Variants in HEMK2 observed in about 807,000 individuals in gnomAD.
The protein encoded by HEMK2 is methyltransferase HEMK2.
chr21:28,637,043 T>C, the HEMK2 span, among the ~76,000 whole-genome samples: 1 of 152,214 alleles, frequency 6.6e-6, no homozygotes. Flanking sequence ...GTAGTTCAGT[T>C]TGATTTGCTG....
the HEMK2 span, among the ~76,000 whole-genome samples, chr21:28,625,540 T>C: frequency 2.6e-5 from 4 of 152,122 alleles, no homozygotes; most frequent in African/African-American, 9.6e-5. Context: ...ACCAACATGG[T>C]GAAACCCCGT....
chr21:28,685,122 T>C, the HEMK2 span, among the ~76,000 whole-genome samples: 4 of 152,062 alleles, frequency 2.6e-5, no homozygotes, highest in African/African-American at 9.7e-5. Context: ...AGGGAATCGG[T>C]TCATGTGAAG....
At chr21:28,715,841 T>C in the HEMK2 span, among the ~76,000 whole-genome samples, 1 of 152,236 alleles carries the variant, frequency 6.6e-6, no homozygotes. Flanking sequence ...AGTGGTCCAG[T>C]TTCATTCTTC....
chr21:28,805,622 G>A, the HEMK2 span, among the ~76,000 whole-genome samples: 1 of 152,130 alleles, frequency 6.6e-6, no homozygotes, highest in African/African-American at 2.4e-5. Flanking sequence ...TCTTTCAACT[G>A]GGTAGATGCT....
At chr21:28,865,070 C>T in the HEMK2 span, among the ~76,000 whole-genome samples, 4 of 152,178 alleles carry the variant, frequency 2.6e-5, no homozygotes, top group African/African-American at 9.7e-5. Context: ...CTTCATTTAA[C>T]CACAGCAGTC....
the HEMK2 span, among the ~76,000 whole-genome samples, chr21:28,712,938 T>C: frequency 1.3e-5 from 2 of 152,210 alleles, no homozygotes; most frequent in African/African-American, 2.4e-5. Context: ...CATAGATACA[T>C]ACATACGAAT....
the HEMK2 span, among the ~76,000 whole-genome samples, chr21:28,691,959 CATACAGAAATGCAGGAAGCT>C: frequency 6.6e-6 from 1 of 152,196 alleles, no homozygotes; most frequent in African/African-American, 2.4e-5. Context: ...CAAAGTTTAT[CATACAGAAATGCAGGAAGCT>C]ACTAAATCTT....
the HEMK2 span, among the ~76,000 whole-genome samples, chr21:28,598,696 G>A: frequency 6.6e-5 from 10 of 152,236 alleles, no homozygotes; most frequent in Middle Eastern, 3.4e-3. Context: ...GAGCCTGAGG[G>A]TGATCCTAGG....
At chr21:28,605,512 T>G in the HEMK2 span, among the ~76,000 whole-genome samples, 28 of 152,338 alleles carry the variant, frequency 1.8e-4, no homozygotes, top group South Asian at 8.3e-4. Context: ...CATGGCAAGT[T>G]GTGACTTTTT....
At chr21:28,754,140 AGGCCCAAG>A in the HEMK2 span, among the ~76,000 whole-genome samples, 8 of 152,260 alleles carry the variant, frequency 5.3e-5, no homozygotes, top group Non-Finnish European at 8.8e-5. Context: ...AATGCCAGAG[AGGCCCAAG>A]GGCCCCCTCG....
chr21:28,794,030 G>A, the HEMK2 span, among the ~76,000 whole-genome samples: 1 of 152,156 alleles, frequency 6.6e-6, no homozygotes, highest in Non-Finnish European at 1.5e-5. Flanking sequence ...CCACTGTGTG[G>A]TAATTTGTTA....
the HEMK2 span, among the ~76,000 whole-genome samples, chr21:28,862,490 T>C: frequency 5.6e-5 from 8 of 142,924 alleles, 2 homozygotes; most frequent in African/African-American, 2.3e-4. Context: ...ATACAAAAAA[T>C]TAGCCTGGCG....
the HEMK2 span, among the ~76,000 whole-genome samples, chr21:28,593,472 G>C: frequency 2.0e-5 from 3 of 152,148 alleles, no homozygotes; most frequent in Non-Finnish European, 2.9e-5. Flanking sequence ...CATGAGCAAT[G>C]AGTAGACCCA....
chr21:28,625,484 G>C, the HEMK2 span, among the ~76,000 whole-genome samples: 2 of 152,234 alleles, frequency 1.3e-5, no homozygotes, highest in East Asian at 3.9e-4. Flanking sequence ...ACTTCGGGAG[G>C]CCAAGGGGGT....
At chr21:28,855,473 A>G in the HEMK2 span, among the ~76,000 whole-genome samples, 9 of 152,196 alleles carry the variant, frequency 5.9e-5, no homozygotes, top group Non-Finnish European at 1.2e-4. Context: ...ACTAACAAAG[A>G]TATTAATTAT....
At chr21:28,792,534 G>A in the HEMK2 span, among the ~76,000 whole-genome samples, 6 of 152,086 alleles carry the variant, frequency 3.9e-5, no homozygotes, top group African/African-American at 1.4e-4. Flanking sequence ...CTGCTCTTGC[G>A]GTTGTAAGAA....
the HEMK2 span, among the ~76,000 whole-genome samples, chr21:28,794,341 G>A: frequency 1.3e-5 from 2 of 152,132 alleles, no homozygotes; most frequent in Non-Finnish European, 2.9e-5. Flanking sequence ...TTCTAAGATA[G>A]AACATGAAGC....
the HEMK2 span, among the ~76,000 whole-genome samples, chr21:28,778,731 G>A: frequency 5.9e-5 from 9 of 152,178 alleles, no homozygotes; most frequent in Non-Finnish European, 1.2e-4. Context: ...TCATTGAAGT[G>A]TTTATTCATG....
the HEMK2 span, among the ~76,000 whole-genome samples, chr21:28,802,700 C>T: frequency 6.6e-6 from 1 of 152,156 alleles, no homozygotes; most frequent in Non-Finnish European, 1.5e-5. Context: ...CACTGCACTT[C>T]AGCCTGGGTG....
Sources: gnomAD v4.1 joint callset for allele counts (sites outside exome capture counted in the v4.1 genomes callset) on GRCh38, gnomAD v4.1.1 for gene constraint, MANE v1.5 for transcripts, NCBI Gene and HGNC (gene_info 2026-07-23, HGNC 2026-07-21) for gene names.